Variants in HEPACAM observed in about 807,000 individuals in gnomAD.
HEPACAM encodes the protein hepatic and glial cell adhesion molecule, also known as hepatocyte cell adhesion molecule.
In HEPACAM, 18 loss-of-function variants were observed where a neutral mutation model predicts 38.3. That is an observed-to-expected ratio of 0.47 (90% CI 0.33 to 0.70). The LOEUF is 0.70. Among genes scored for constraint, HEPACAM ranks in the 30% least tolerant of loss-of-function variants. The pLI, the probability that HEPACAM is intolerant of heterozygous loss-of-function variation, is 0.03. For synonymous variants in HEPACAM, 216 were observed against 243.1 expected (o/e 0.89, Z 1.04); for missense variants, 466 against 563.0 (o/e 0.83, Z 1.74).
chr11:124,921,157 G>A lies in HEPACAM; in HGVS notation c.1232C>T (p.Pro411Leu), dbSNP rs1221539655. The A allele has an allele frequency of 1.3e-6, 2 of 1,527,986 alleles. No individual in the cohort carries two copies. The highest frequency in any genetic ancestry group is 1.7e-6 in the Non-Finnish European group (2 of 1,144,502). 94.7% of individuals were successfully genotyped at this position (1,527,986 alleles called of 1,614,324 possible). Residue 411 changes from proline (P) to leucine (L), a missense_variant, in exon 7 of 7, where the codon CCG becomes CTG. Pro to Leu is a moderately conservative substitution (Grantham distance 98). Transcript: ENST00000298251. The surrounding 1 kb of genome is among the most constrained non-coding windows in gnomAD (Gnocchi z 4.6). ...HIIREQDEAG[P>L]VEISA ...GGCGGCTCAGGCGCTGATCTCCACC[G>A]GGCCGGCCTCGTCTTGCTCGCGGAT... is the stretch of plus-strand genomic sequence containing the variant.
In HEPACAM at chr11:124,924,540, C is replaced by G; in HGVS notation, c.427+188G>C. On this transcript the variant is annotated intron_variant, in intron 2 of 6. Coordinates refer to ENST00000298251, the MANE Select transcript of HEPACAM (RefSeq NM_152722.5). The surrounding 1 kb of genome is among the most constrained non-coding windows in gnomAD (Gnocchi z 4.4). Reference sequence around the variant, plus strand: ...GCAAAGCACTTAGAATAGTTTCTGGCACATGGCAATCACTCTACATGTTAG... The same window carrying G: ...GCAAAGCACTTAGAATAGTTTCTGGGACATGGCAATCACTCTACATGTTAG... The G allele has an allele frequency of 1.5e-6, 1 of 686,418 alleles. No individual in the cohort carries two copies. Among genetic ancestry groups the G allele is most frequent in the East Asian group, 2.6e-5 (1 of 38,862 alleles). The allele number at this position is 686,418 out of a possible 1,614,324, so 42.5% of individuals were successfully genotyped here. A position where few individuals can be genotyped will look rare whatever the true frequency, so the allele number is the denominator to read the frequency against.
At chr11:124,933,083 T>G (rs1947297714) in intron 1 of HEPACAM, among the ~76,000 whole-genome samples, 2 of 152,186 alleles carry the variant, frequency 1.3e-5, no homozygotes, top group African/African-American at 4.8e-5. Flanking sequence ...CTCTTATTAC[T>G]CTTTAGTCCA....
At position 124,921,221 on chromosome 11, in the gene HEPACAM, T is replaced by C; in HGVS notation, c.1168A>G (p.Ser390Gly). 1 of 1,476,106 alleles carries C rather than the reference T, an allele frequency of 6.8e-7. No individual in the cohort carries two copies. Among genetic ancestry groups the C allele is most frequent in the Non-Finnish European group, 8.9e-7 (1 of 1,120,048 alleles). The allele number at this position is 1,476,106 out of a possible 1,614,324, so 91.4% of individuals were successfully genotyped here. Residue 390 changes from serine (S) to glycine (G), a missense_variant, in exon 7 of 7, where the codon AGC (serine) becomes GGC (glycine). Coordinates refer to ENST00000298251, the MANE Select transcript of HEPACAM (RefSeq NM_152722.5). This position sits in a 1 kb window ranked among gnomAD's most constrained non-coding sequence, Gnocchi z 4.6. ...GCAGTCCGCAGTGTGCGCGAGGCGC[T>C]GCGCGAGCGGCCGGGCGAGCTCGGG... ...RAPSSPGRSR[S>G]ASRTLRTAGV...
rs1230892007 is a variant in HEPACAM, at chr11:124,919,480, C to T, written c.*1658G>A. ...CACCCTAACCTTCACCTGTGCATCT[C>T]AAGGCTGACCAGCAGGTACTCCTTA... On this transcript the variant is annotated 3_prime_UTR_variant, in exon 7 of 7. Coordinates refer to ENST00000298251, the MANE Select transcript of HEPACAM (RefSeq NM_152722.5). 2.0e-6 allele frequency: 1 copy of T among 505,790 alleles called. No homozygotes were observed. Among genetic ancestry groups the T allele is most frequent in the Non-Finnish European group, 3.6e-6 (1 of 280,778 alleles). 31.3% of individuals were successfully genotyped at this position (505,790 alleles called of 1,614,324 possible). A position where few individuals can be genotyped will look rare whatever the true frequency, so the allele number is the denominator to read the frequency against.
At chr11:124,929,129 G>A (rs1947253099) in intron 1 of HEPACAM, among the ~76,000 whole-genome samples, 1 of 152,130 alleles carries the variant, frequency 6.6e-6, no homozygotes, top group Admixed American at 6.6e-5. Context: ...TGGCTTCCAT[G>A]CTCTCCTATC....
chr11:124,920,841 T>C lies in HEPACAM; in HGVS notation c.*297A>G. 2 of 1,212,632 alleles carry C rather than the reference T, an allele frequency of 1.6e-6. No individual in the cohort carries two copies. Among genetic ancestry groups the C allele is most frequent in the Non-Finnish European group, 2.1e-6 (2 of 974,764 alleles). The allele number at this position is 1,212,632 out of a possible 1,614,324, so 75.1% of individuals were successfully genotyped here. ...TTAGTTTCCATAAAACCCTTTTGGG[T>C]ATTGGGCCAGAAATGTAATAATCTA... On this transcript the variant is annotated 3_prime_UTR_variant, in exon 7 of 7. Transcript: ENST00000298251.
At chr11:124,922,201 G>A (rs1947149146) in intron 6 of HEPACAM, among the ~76,000 whole-genome samples, 187 bp downstream of exon 6, 1 of 152,204 alleles carries the variant, frequency 6.6e-6, no homozygotes, top group Admixed American at 6.5e-5. Flanking sequence ...AAGTGGAACA[G>A]TTTCATCCTG....
chr11:124,931,442 A>G (rs982858680), intron 1 of HEPACAM, among the ~76,000 whole-genome samples: 3 of 152,214 alleles, frequency 2.0e-5, no homozygotes, highest in African/African-American at 7.2e-5. Context: ...CCTGGCCTCA[A>G]GCAATCTTTA....
intron 1 of HEPACAM, among the ~76,000 whole-genome samples, chr11:124,925,368 G>A (rs941892069): frequency 6.6e-6 from 1 of 152,086 alleles, no homozygotes; most frequent in Non-Finnish European, 1.5e-5. Context: ...CACCCTATGC[G>A]CTCCATTCAT....
chr11:124,935,761 G>A (rs1044056244), intron 1 of HEPACAM, among the ~76,000 whole-genome samples, 161 bp downstream of exon 1: 16 of 152,150 alleles, frequency 1.1e-4, no homozygotes, highest in African/African-American at 2.7e-4. Context: ...AAAGAAATAC[G>A]TTCAACGCTA....
rs750572168 is a variant in HEPACAM at position 124,924,613 on chromosome 11, T to G, written c.427+115A>C. ...CTTCTAATGTCCACTTGCCTCATTC[T>G]CAGCTCCCAAGTGCCTTTTGGGTTG... On this transcript the variant is annotated intron_variant, in intron 2 of 6. Transcript: ENST00000298251. This position sits in a 1 kb window ranked among gnomAD's most constrained non-coding sequence, Gnocchi z 4.4. 22 of 913,664 alleles carry G rather than the reference T, an allele frequency of 2.4e-5. No individual in the cohort carries two copies. Among genetic ancestry groups the G allele is most frequent in the Non-Finnish European group, 4.0e-5 (22 of 546,260 alleles). The allele number at this position is 913,664 out of a possible 1,614,324, so 56.6% of individuals were successfully genotyped here. A position where few individuals can be genotyped will look rare whatever the true frequency, so the allele number is the denominator to read the frequency against.
In HEPACAM at chr11:124,925,292, C is replaced by A. The variant is rs189387531; in HGVS notation, c.86-223G>T. On this transcript the variant is annotated intron_variant, in intron 1 of 6. Coordinates refer to ENST00000298251, the MANE Select transcript of HEPACAM (RefSeq NM_152722.5). ...CACAGCCATCTCATGGCCTTCAATG[C>A]TTTTTCCACCTAGCCCTCTGCCTCT... Among the ~76,000 whole-genome samples the A allele has an allele frequency of 6.4e-4, 98 of 152,378 alleles. 1 individual carries two copies. The highest frequency in any genetic ancestry group is 2.1e-3 in the African/African-American group (88 of 41,586).
In HEPACAM at chr11:124,920,724, AG is replaced by A. The variant is rs1404592642; in HGVS notation, c.*413del. The stretch of plus-strand genomic sequence containing the variant: ...AAAAAAAAAAAGTGCCCCAGCACTC[AG>A]GCATTTGTTCAGAGGGAAGGGTGGT... On this transcript the variant is annotated 3_prime_UTR_variant, in exon 7 of 7. Transcript: ENST00000298251. The A allele has an allele frequency of 1.5e-4, 153 of 1,020,704 alleles. No individual in the cohort carries two copies. Among genetic ancestry groups the A allele is most frequent in the Non-Finnish European group, 1.8e-4 (152 of 854,692 alleles). The allele number at this position is 1,020,704 out of a possible 1,614,324, so 63.2% of individuals were successfully genotyped here.
In HEPACAM at chr11:124,919,878, CCTT is replaced by C; in HGVS notation, c.*1257_*1259del. On this transcript the variant is annotated 3_prime_UTR_variant, in exon 7 of 7. Coordinates refer to ENST00000298251, the MANE Select transcript of HEPACAM (RefSeq NM_152722.5). ...AGGGAATGGAATACACAGAGGGCCT[CCTT>C]CTCTTTCAGCTTTTTAATTGCCCTC... The C allele has an allele frequency of 6.2e-7, 1 of 1,614,144 alleles. No individual in the cohort carries two copies. The highest frequency in any genetic ancestry group is 1.7e-4 in the Middle Eastern group (1 of 6,038).
chr11:124,922,540 A>G (rs1054860959), intron 5 of HEPACAM, 82 bp from the exon 6 acceptor site: 276 of 1,595,476 alleles, frequency 1.7e-4, no homozygotes, highest in Non-Finnish European at 2.2e-4. Context: ...TGCTTCCCGA[A>G]TGGCCCGCCA....
At chr11:124,931,463 T>A (rs941105097) in intron 1 of HEPACAM, among the ~76,000 whole-genome samples, 1 of 152,204 alleles carries the variant, frequency 6.6e-6, no homozygotes, top group African/African-American at 2.4e-5. Flanking sequence ...TGCCTTGGCA[T>A]CTTAAAGTGC....
At chr11:124,929,837 G>A (rs149252532) in intron 1 of HEPACAM, among the ~76,000 whole-genome samples, 10 of 152,324 alleles carry the variant, frequency 6.6e-5, no homozygotes, top group African/African-American at 2.2e-4. Flanking sequence ...ATCCCTTAGA[G>A]AAATCACCAT....
chr11:124,929,146 A>G lies in HEPACAM; in HGVS notation c.86-4077T>C, dbSNP rs565107716. On this transcript the variant is annotated intron_variant, in intron 1 of 6. Coordinates refer to ENST00000298251, the MANE Select transcript of HEPACAM (RefSeq NM_152722.5). Reference sequence around the variant, plus strand: ...GCTTCCATGCTCTCCTATCCCATCCAAAGTCCTAGTAGCCTTTTTGCTATG... The same window carrying G: ...GCTTCCATGCTCTCCTATCCCATCCGAAGTCCTAGTAGCCTTTTTGCTATG... Among the ~76,000 whole-genome samples the G allele has an allele frequency of 2.9e-3, 434 of 152,254 alleles. 1 individual carries two copies. The highest frequency in any genetic ancestry group is 9.8e-3 in the African/African-American group (408 of 41,546).
rs886047931 is a variant in HEPACAM, at chr11:124,921,022, C to G, written c.*116G>C. 24 of 1,398,608 alleles carry G rather than the reference C, an allele frequency of 1.7e-5. No individual in the cohort carries two copies. The highest frequency in any genetic ancestry group is 2.0e-5 in the Non-Finnish European group (22 of 1,080,794). 86.6% of individuals were successfully genotyped at this position (1,398,608 alleles called of 1,614,324 possible). A position where few individuals can be genotyped will look rare whatever the true frequency, so the allele number is the denominator to read the frequency against. ...CACGTTCACACCCGAGACACCAGCG[C>G]CCCCCCGGGACCTCCCCTCGTCCCC... On this transcript the variant is annotated 3_prime_UTR_variant, in exon 7 of 7. Transcript: ENST00000298251. This position sits in a 1 kb window ranked among gnomAD's most constrained non-coding sequence, Gnocchi z 4.6.
Sources: gnomAD v4.1 joint callset for allele counts (sites outside exome capture counted in the v4.1 genomes callset) on GRCh38, gnomAD v4.1.1 for gene constraint, Gnocchi (gnomAD v3.1) non-coding constraint, MANE v1.5 for transcripts, NCBI Gene and HGNC (gene_info 2026-07-23, HGNC 2026-07-21) for gene names.